ESR1: variants seen among roughly 807,000 people sequenced by gnomAD.
ESR1 encodes the protein estrogen receptor 1, also known as estrogen receptor.
A neutral mutation model predicts 52.7 loss-of-function variants in ESR1; 12 were observed. The observed-to-expected ratio is 0.23, with a 90% CI of 0.15 to 0.37. The LOEUF (loss-of-function observed/expected upper bound fraction) is 0.37. ESR1 is among the 10% of genes least tolerant of loss of function. The pLI, the probability that ESR1 is intolerant of heterozygous loss-of-function variation, is 1.00. For missense variants in ESR1, 584 were observed against 779.7 expected, an observed-to-expected ratio of 0.75 and a Z score of 2.99; for synonymous variants, 305 against 316.8, an observed-to-expected ratio of 0.96 and a Z score of 0.39.
intron 2 of ESR1, among the ~76,000 whole-genome samples, chr6:151,708,651 C>T (rs1187101162): frequency 6.6e-6 from 1 of 152,096 alleles, no homozygotes; most frequent in African/African-American, 2.4e-5. Context: ...TTCTTGACTT[C>T]TAATGAGCTT....
chr6:151,842,598 C>G lies in ESR1; in HGVS notation c.454C>G (p.Pro152Ala), dbSNP rs139548761. 1.7e-4 allele frequency: 267 copies of G among 1,613,014 alleles called. 1 individual carries two copies. In the African/African-American group the frequency reaches 3.3e-3, roughly 20 times the overall value. Residue 152 changes from proline to alanine, a missense_variant and splice_region_variant, in exon 2 of 8, where the codon CCA (proline) becomes GCA (alanine). By Grantham distance (27) the Pro-to-Ala change is conservative. Around this residue, in one of 6 missense-constraint regions of ESR1, gnomAD observed 251 missense variants for 246.1 expected, o/e 1.02. Transcript: ENST00000206249. ...REAGPPAFYR[P>A]NSDNRRQGGR... ...GATTTACTGTTTTTTTCCCCCCAGG[C>G]CAAATTCAGATAATCGACGCCAGGG...
chr6:151,771,631 T>C (rs1179514212), intron 2 of ESR1, among the ~76,000 whole-genome samples: 1 of 152,234 alleles, frequency 6.6e-6, no homozygotes, highest in East Asian at 1.9e-4. Flanking sequence ...AAATGTCAAA[T>C]AGATCCTATA....
chr6:151,990,466 T>C (rs566587215), intron 4 of ESR1, among the ~76,000 whole-genome samples: 4 of 152,240 alleles, frequency 2.6e-5, no homozygotes, highest in African/African-American at 9.6e-5. Context: ...GGCTGTGTAA[T>C]CCCTTGCAAC....
At chr6:152,058,402 T>C (rs916103775) in intron 5 of ESR1, among the ~76,000 whole-genome samples, 54 of 152,176 alleles carry the variant, frequency 3.5e-4, no homozygotes, top group African/African-American at 1.2e-3. Flanking sequence ...AAAATGCGCA[T>C]GGCAGTTTTT....
chr6:151,912,326 G>A (rs1301902141), intron 3 of ESR1, among the ~76,000 whole-genome samples: 2 of 152,218 alleles, frequency 1.3e-5, no homozygotes, highest in Admixed American at 6.5e-5. Context: ...GACTATGCCT[G>A]CTTTAATTTG....
intron 1 of ESR1, among the ~76,000 whole-genome samples, chr6:151,669,562 T>C (rs906020028): frequency 1.3e-5 from 2 of 151,734 alleles, no homozygotes; most frequent in Non-Finnish European, 2.9e-5. Flanking sequence ...GGTGCTGGAG[T>C]GTTTCAATGT....
Position 152,098,986 on chromosome 6 carries a change from C to G in ESR1, c.*20C>G, listed in dbSNP as rs114409231. 1 of 1,592,632 alleles carries G rather than the reference C, an allele frequency of 6.3e-7. No individual in the cohort carries two copies. Among genetic ancestry groups the G allele is most frequent in the Non-Finnish European group, 8.6e-7 (1 of 1,160,936 alleles). On this transcript the variant is annotated 3_prime_UTR_variant, in exon 8 of 8. Transcript: ENST00000206249. The surrounding 1 kb of genome is among the most constrained non-coding windows in gnomAD (Gnocchi z 5.1). ...GTCTGAGAGCTCCCTGGCTCCCACACGGTTCAGATAATCCCTGCTGCATTT... is the reference window on the plus strand; with the variant it reads ...GTCTGAGAGCTCCCTGGCTCCCACAGGGTTCAGATAATCCCTGCTGCATTT...
Position 151,910,055 on chromosome 6 carries a change from A to T in ESR1, c.760+29284A>T, listed in dbSNP as rs117849883. ...GAGATTACATTCAATTGGCAGTACC[A>T]CCCTTTTTATCTCTGACATAGTTCC... On this transcript the variant is annotated intron_variant, in intron 3 of 7. Transcript: ENST00000206249. Among the ~76,000 whole-genome samples, 15 of 151,428 alleles carry T rather than the reference A, an allele frequency of 9.9e-5. No individual in the cohort carries two copies. The East Asian group carries it at 2.7e-3, about 28-fold the overall frequency.
At chr6:152,035,679 ATAAT>A (rs1171482140) in intron 5 of ESR1, among the ~76,000 whole-genome samples, 1 of 152,236 alleles carries the variant, frequency 6.6e-6, no homozygotes, top group Non-Finnish European at 1.5e-5. Flanking sequence ...TAAAGCTATA[ATAAT>A]TAATACAGTA....
intron 3 of ESR1, among the ~76,000 whole-genome samples, chr6:151,915,792 T>C (rs2029951401): frequency 6.6e-6 from 1 of 152,184 alleles, no homozygotes; most frequent in Admixed American, 6.5e-5. Context: ...GCTACCCTGT[T>C]GTTGATATCA....
intron 3 of ESR1, among the ~76,000 whole-genome samples, chr6:151,902,658 C>T (rs181350223): frequency 6.6e-6 from 1 of 152,262 alleles, no homozygotes; most frequent in East Asian, 1.9e-4. Context: ...CCTCTTCAGA[C>T]CTTTGTCTCT....
chr6:152,058,965 T>C (rs948501562), intron 5 of ESR1, among the ~76,000 whole-genome samples: 2 of 151,992 alleles, frequency 1.3e-5, no homozygotes, highest in African/African-American at 4.8e-5. Flanking sequence ...TTCTAAGAAG[T>C]ATATGAATAT....
intron 5 of ESR1, among the ~76,000 whole-genome samples, chr6:152,014,373 A>G (rs1479819139): frequency 1.3e-5 from 2 of 151,946 alleles, no homozygotes; most frequent in African/African-American, 4.8e-5. Context: ...GGACATTTCT[A>G]CCTATCTTCT....
chr6:151,951,551 A>C (rs1203837183), intron 4 of ESR1, among the ~76,000 whole-genome samples: 1 of 152,236 alleles, frequency 6.6e-6, no homozygotes, highest in African/African-American at 2.4e-5. Flanking sequence ...CTTAGAGATA[A>C]AAGATAGAAA....
intron 1 of ESR1, among the ~76,000 whole-genome samples, chr6:151,692,925 G>C (rs1489218173): frequency 6.6e-6 from 1 of 152,188 alleles, no homozygotes; most frequent in Non-Finnish European, 1.5e-5. Context: ...CTCTGCTCAG[G>C]TTTTCCACAG....
At chr6:152,106,454 C>T (rs923517855), downstream of ESR1, among the ~76,000 whole-genome samples, 1 of 151,952 alleles carries the variant, frequency 6.6e-6, no homozygotes, top group African/African-American at 2.4e-5. Context: ...CTACTAGTAA[C>T]GAATTATCTT....
intron 1 of ESR1, among the ~76,000 whole-genome samples, chr6:151,657,407 A>G (rs1412762125): frequency 6.6e-6 from 1 of 152,168 alleles, no homozygotes; most frequent in African/African-American, 2.4e-5. Flanking sequence ...TATTTTGGGT[A>G]ACAATTGTAT....
intron 4 of ESR1, among the ~76,000 whole-genome samples, chr6:151,988,621 A>C (rs1159112829): frequency 6.6e-6 from 1 of 152,042 alleles, no homozygotes; most frequent in Non-Finnish European, 1.5e-5. Context: ...TTAATAACTA[A>C]TGTGTACTAG....
chr6:151,746,099 T>C (rs1053226788), intron 2 of ESR1, among the ~76,000 whole-genome samples: 2 of 152,214 alleles, frequency 1.3e-5, no homozygotes, highest in Admixed American at 6.5e-5. Context: ...ATTTTTTTGT[T>C]TATCCATTGA....
Sources: allele counts gnomAD v4.1 joint callset (sites outside exome capture counted in the v4.1 genomes callset), GRCh38; gene constraint gnomAD v4.1.1; regional missense constraint gnomAD v4.1.1; non-coding constraint Gnocchi (gnomAD v3.1); transcripts MANE v1.5; gene names NCBI Gene and HGNC (gene_info 2026-07-23, HGNC 2026-07-21).